Variants in SATB2 observed in about 807,000 individuals in gnomAD.
SATB2 encodes SATB homeobox 2.
SATB2 carries 1 observed loss-of-function variant against 73.4 expected under a neutral mutation model. The ratio of observed to expected loss-of-function variants is 0.01; its 90% CI spans 0.00 to 0.06. SATB2 has a LOEUF of 0.06. SATB2 is among the 10% of genes least tolerant of loss of function. The pLI is 1.00. For synonymous variants in SATB2, 397 were observed against 367.0 expected (o/e 1.08, Z -0.93); for missense variants, 459 against 945.8 (o/e 0.49, Z 6.75).
Position 199,387,190 on chromosome 2 carries a change from C to T in SATB2, c.347-5370G>A, listed in dbSNP as rs138271404. ...AAGTGGATGAAAACCAGGAATAAAA[C>T]CTAGGCTTCATTTTGCAAGTTTTTG... On this transcript the variant is annotated intron_variant, in intron 3 of 10. Transcript: ENST00000417098. Among the ~76,000 whole-genome samples the T allele has an allele frequency of 2.6e-4, 40 of 152,238 alleles. No homozygotes were observed. In the East Asian group the frequency reaches 5.8e-3, roughly 22 times the overall value.
Position 199,328,740 on chromosome 2 carries a change from G to A in SATB2, c.1344C>T (p.Val448=). Residue 448 remains valine, a synonymous_variant, in exon 8 of 11, where the codon GTC becomes GTT. Transcript: ENST00000417098. ...ERSMNPNVSM[V]SSASSSPSSS... ...AGCTGGGACTGCTGGAGGCCGAGGA[G>A]ACCATGCTCACATTGGGATTCATGC... 6.2e-7 allele frequency: 1 copy of A among 1,613,740 alleles called. No individual in the cohort carries two copies. Among genetic ancestry groups the A allele is most frequent in the East Asian group, 2.2e-5 (1 of 44,858 alleles).
intron 9 of SATB2, among the ~76,000 whole-genome samples, chr2:199,318,197 T>A (rs1277248327): frequency 6.6e-6 from 1 of 152,150 alleles, no homozygotes; most frequent in East Asian, 1.9e-4. Flanking sequence ...TTATGGCCTA[T>A]AGTTTCTGTT....
chr2:199,455,859 G>A lies in SATB2; in HGVS notation c.169+10C>T. 1 of 1,535,788 alleles carries A rather than the reference G, an allele frequency of 6.5e-7. No homozygotes were observed. The highest frequency in any genetic ancestry group is 1.2e-5 in the South Asian group (1 of 84,016). On this transcript the variant is annotated intron_variant, in intron 2 of 10. Transcript: ENST00000417098. This position sits in a 1 kb window ranked among gnomAD's most constrained non-coding sequence, Gnocchi z 4.1. ...CGCGGGCTGCGCGCCTCCCTGCTCC[G>A]GGCTGTTACCTCCCACGGCCTTGGC...
rs763877534 is a variant in SATB2 at position 199,349,097 on chromosome 2, G to A, written c.777C>T (p.Asn259=). The part of the protein sequence containing the change: ...GQRPMHLPNM[N]QLASLGKTNE... ...TGGTTTTCCCCAGGGATGCCAGCTG[G>A]TTCATATTTGGTAAATGCATTGGAC... The change falls in exon 7 of 11, where the codon AAC becomes AAT. Residue 259 remains asparagine (N), a synonymous_variant. Coordinates refer to ENST00000417098, the MANE Select transcript of SATB2 (RefSeq NM_001172509.2). 7 of 1,614,036 alleles carry A rather than the reference G, an allele frequency of 4.3e-6. No individual in the cohort carries two copies. The highest frequency in any genetic ancestry group is 1.3e-5 in the African/African-American group (1 of 75,036).
intron 7 of SATB2, among the ~76,000 whole-genome samples, chr2:199,337,234 A>G (rs1469383095): frequency 6.6e-6 from 1 of 152,208 alleles, no homozygotes; most frequent in African/African-American, 2.4e-5. Context: ...AATGTAATAA[A>G]TTATATGATG....
At chr2:199,304,168 AG>A (rs1687366648) in intron 10 of SATB2, among the ~76,000 whole-genome samples, 1 of 152,146 alleles carries the variant, frequency 6.6e-6, no homozygotes, top group South Asian at 2.1e-4. Flanking sequence ...TCTCTCTTCC[AG>A]TTTTTCCAAT....
At chr2:199,349,267 G>T in intron 6 of SATB2, 94 bp from the exon 7 acceptor site, 1 of 988,222 alleles carries the variant, frequency 1.0e-6, no homozygotes, top group Non-Finnish European at 1.6e-6. Flanking sequence ...CTTTTGGCAT[G>T]TTAATAATAT....
intron 6 of SATB2, among the ~76,000 whole-genome samples, chr2:199,368,207 G>T (rs1015115141): frequency 1.3e-5 from 2 of 152,014 alleles, no homozygotes; most frequent in Admixed American, 1.3e-4. Flanking sequence ...CACTGCTCTG[G>T]AATCGTCGAC....
intron 3 of SATB2, among the ~76,000 whole-genome samples, chr2:199,393,809 T>C (rs1035917984): frequency 3.3e-5 from 5 of 152,280 alleles, no homozygotes; most frequent in South Asian, 4.1e-4. Context: ...TTTCAAAGTA[T>C]AGTAAACAAC....
At chr2:199,362,548 G>T (rs1357657942) in intron 6 of SATB2, among the ~76,000 whole-genome samples, 1 of 152,086 alleles carries the variant, frequency 6.6e-6, no homozygotes, top group African/African-American at 2.4e-5. Context: ...ATTTCTCACT[G>T]CTTCTAGCAT....
chr2:199,360,119 A>T (rs1689093707), intron 6 of SATB2, among the ~76,000 whole-genome samples: 1 of 152,152 alleles, frequency 6.6e-6, no homozygotes, highest in African/African-American at 2.4e-5. Context: ...TTAGGTAATA[A>T]TCTTTATTTA....
intron 3 of SATB2, among the ~76,000 whole-genome samples, chr2:199,414,712 C>T (rs1156621090): frequency 1.3e-5 from 2 of 152,110 alleles, no homozygotes; most frequent in Non-Finnish European, 2.9e-5. Flanking sequence ...TTGTCACGGG[C>T]CCCAGTCTGC....
At chr2:199,367,073 T>G (rs1163954736) in intron 6 of SATB2, among the ~76,000 whole-genome samples, 2 of 152,130 alleles carry the variant, frequency 1.3e-5, no homozygotes, top group African/African-American at 4.8e-5. Flanking sequence ...ATCTAACAAA[T>G]GACCTTGAAG....
At chr2:199,436,029 AT>A (rs1691642026) in intron 2 of SATB2, among the ~76,000 whole-genome samples, 1 of 152,172 alleles carries the variant, frequency 6.6e-6, no homozygotes, top group Admixed American at 6.5e-5. Flanking sequence ...ATAAGTTTCG[AT>A]GCTGAAAATC....
Position 199,305,269 on chromosome 2 carries a change from C to T in SATB2, c.1740+3491G>A, listed in dbSNP as rs184522299. On this transcript the variant is annotated intron_variant, in intron 10 of 10. Coordinates refer to ENST00000417098, the MANE Select transcript of SATB2 (RefSeq NM_001172509.2). ...GGCTCCAGCCACATAAAACTCTGAG[C>T]TTGGATCACATCTTCTGACTTTCTA... Among the ~76,000 whole-genome samples the T allele has an allele frequency of 7.3e-4, 111 of 152,038 alleles. 1 individual carries two copies. The highest frequency in any genetic ancestry group is 2.6e-3 in the African/African-American group (106 of 41,486).
rs1257213142 is a variant in SATB2 at position 199,272,033 on chromosome 2, C to G, written c.*178G>C. 2.2e-5 allele frequency: 15 copies of G among 669,238 alleles called. No individual in the cohort carries two copies. In the East Asian group the frequency reaches 4.0e-4, roughly 18 times the overall value. The allele number at this position is 669,238 out of a possible 1,614,324, so 41.5% of individuals were successfully genotyped here. A position where few individuals can be genotyped will look rare whatever the true frequency, so the allele number is the denominator to read the frequency against. On this transcript the variant is annotated 3_prime_UTR_variant, in exon 11 of 11. Coordinates refer to ENST00000417098, the MANE Select transcript of SATB2 (RefSeq NM_001172509.2). The surrounding 1 kb of genome is among the most constrained non-coding windows in gnomAD (Gnocchi z 6.7). ...AACTTATTCAGTCTATAGGTGTATC[C>G]TGTGCAACAAAGAAATGTCCAAAAG... is the stretch of plus-strand genomic sequence containing the variant.
intron 3 of SATB2, among the ~76,000 whole-genome samples, chr2:199,385,187 T>A (rs1689893331): frequency 6.6e-6 from 1 of 152,136 alleles, no homozygotes; most frequent in Non-Finnish European, 1.5e-5. Flanking sequence ...CAAGCTGAAG[T>A]GTACTGGTGA....
At chr2:199,289,244 T>C (rs937074764) in intron 10 of SATB2, among the ~76,000 whole-genome samples, 1 of 152,140 alleles carries the variant, frequency 6.6e-6, no homozygotes, top group East Asian at 1.9e-4. Flanking sequence ...GTGGCAGGTA[T>C]ATCGGGTGAG....
intron 6 of SATB2, among the ~76,000 whole-genome samples, chr2:199,357,728 A>G (rs1409581532): frequency 6.6e-6 from 1 of 152,094 alleles, no homozygotes; most frequent in Non-Finnish European, 1.5e-5. Flanking sequence ...TTATTTTTAT[A>G]AATCCCCTCC....
Sources: allele counts gnomAD v4.1 joint callset (sites outside exome capture counted in the v4.1 genomes callset), GRCh38; gene constraint gnomAD v4.1.1; non-coding constraint Gnocchi (gnomAD v3.1); transcripts MANE v1.5; gene names NCBI Gene and HGNC (gene_info 2026-07-23, HGNC 2026-07-21).